Variants in TMCO4 observed in about 807,000 individuals in gnomAD.
The protein encoded by TMCO4 is transmembrane and coiled-coil domain-containing protein 4.
In TMCO4, 58 loss-of-function variants were observed where a neutral mutation model predicts 64.7. The observed-to-expected ratio is 0.90, with a 90% CI of 0.73 to 1.12. TMCO4 has a LOEUF of 1.12. TMCO4 is among the 50% of genes most tolerant of loss of function. The pLI is 0.00. For synonymous variants in TMCO4, 325 were observed against 346.1 expected, an observed-to-expected ratio of 0.94 and a Z score of 0.68; for missense variants, 780 against 825.9, an observed-to-expected ratio of 0.94 and a Z score of 0.68.
intron 14 of TMCO4, among the ~76,000 whole-genome samples, chr1:19,700,333 G>A (rs1277901613): frequency 2.0e-5 from 3 of 152,038 alleles, no homozygotes; most frequent in African/African-American, 4.8e-5. Flanking sequence ...CACTCAGAAA[G>A]CTCAGCCTAG....
At chr1:19,725,124 A>G (rs939727664) in intron 13 of TMCO4, among the ~76,000 whole-genome samples, 4 of 152,198 alleles carry the variant, frequency 2.6e-5, no homozygotes, top group African/African-American at 9.7e-5. Flanking sequence ...GATCAAATTG[A>G]GCCCGCTTAC....
At chr1:19,700,939 G>A in intron 13 of TMCO4, 54 bp from the exon 14 acceptor site, 1 of 1,442,596 alleles carries the variant, frequency 6.9e-7, no homozygotes, top group Non-Finnish European at 9.7e-7. Context: ...ATTGGGTGCT[G>A]GGAGGGACTC....
intron 10 of TMCO4, 89 bp from the exon 11 acceptor site, chr1:19,741,030 C>T: frequency 7.2e-7 from 1 of 1,383,498 alleles, no homozygotes; most frequent in Non-Finnish European, 9.6e-7. Flanking sequence ...ACCAGGACCA[C>T]TCACCCTTGT....
At position 19,734,222 on chromosome 1, in the gene TMCO4, C is replaced by T. The variant is rs542133418; in HGVS notation, c.1264+3150G>A. ...GCCCGGCATGTGAGGTGGAGAGAGGCGGGGGAAGGTGCTGAAGGCAGATCA... is the reference window on the plus strand; with the variant it reads ...GCCCGGCATGTGAGGTGGAGAGAGGTGGGGGAAGGTGCTGAAGGCAGATCA... On this transcript the variant is annotated intron_variant, in intron 13 of 15. Coordinates refer to ENST00000294543, the MANE Select transcript of TMCO4 (RefSeq NM_181719.7). The surrounding 1 kb of genome is among the most constrained non-coding windows in gnomAD (Gnocchi z 4.4). 4.1e-4 allele frequency among the ~76,000 whole-genome samples: 62 copies of T among 152,084 alleles called. No individual in the cohort carries two copies. The highest frequency in any genetic ancestry group is 8.9e-4 in the African/African-American group (37 of 41,478).
At chr1:19,739,635 T>C (rs568685712) in intron 12 of TMCO4, among the ~76,000 whole-genome samples, 189 bp downstream of exon 12, 32 of 152,324 alleles carry the variant, frequency 2.1e-4, no homozygotes, top group African/African-American at 7.0e-4. Context: ...GCAGAGTCTA[T>C]AATTTTTACT....
chr1:19,745,687 ACTGGGG>A, intron 9 of TMCO4, 36 bp from the exon 10 acceptor site: 2 of 1,575,392 alleles, frequency 1.3e-6, no homozygotes, highest in South Asian at 2.3e-5. Context: ...AATGGAGGTG[ACTGGGG>A]CCCCGGGGAA....
chr1:19,796,287 C>G (rs2044302805), intron 2 of TMCO4, among the ~76,000 whole-genome samples: 2 of 152,132 alleles, frequency 1.3e-5, no homozygotes, highest in African/African-American at 4.8e-5. Flanking sequence ...CTCCACTTTA[C>G]TAAGGTGGGG....
At chr1:19,728,159 A>T (rs1040436984) in intron 13 of TMCO4, among the ~76,000 whole-genome samples, 4 of 152,190 alleles carry the variant, frequency 2.6e-5, no homozygotes, top group African/African-American at 9.7e-5. Context: ...CAGTAACATG[A>T]GTTTACCTAC....
At chr1:19,795,112 C>T (rs150600330) in intron 2 of TMCO4, among the ~76,000 whole-genome samples, 45 of 152,074 alleles carry the variant, frequency 3.0e-4, no homozygotes, top group African/African-American at 1.1e-3. Context: ...CTGAACTACA[C>T]ACTTAAAATG....
At chr1:19,790,466 A>C (rs941292093) in intron 2 of TMCO4, among the ~76,000 whole-genome samples, 2 of 152,198 alleles carry the variant, frequency 1.3e-5, no homozygotes, top group African/African-American at 4.8e-5. Flanking sequence ...TTACAAGAAA[A>C]AAACAAACAA....
intron 6 of TMCO4, among the ~76,000 whole-genome samples, chr1:19,758,831 A>G (rs2042376576): frequency 6.6e-6 from 1 of 152,116 alleles, no homozygotes; most frequent in Non-Finnish European, 1.5e-5. Context: ...GTGGTGGCTC[A>G]TGCCTGTGCC....
Position 19,694,415 on chromosome 1 carries a change from G to A in TMCO4, c.1500+19C>T, listed in dbSNP as rs1458574395. ...ACTAAGCAAACGCAAAGCCCCAGGA[G>A]GAACAGGCCGACACTCACCACAGAG... On this transcript the variant is annotated intron_variant, in intron 15 of 15. Coordinates refer to ENST00000294543, the MANE Select transcript of TMCO4 (RefSeq NM_181719.7). 1.0e-5 allele frequency: 16 copies of A among 1,607,110 alleles called. No homozygotes were observed. Among genetic ancestry groups the A allele is most frequent in the Non-Finnish European group, 1.4e-5 (16 of 1,174,520 alleles).
intron 2 of TMCO4, 171 bp downstream of exon 2, chr1:19,797,958 GAAAAGAAA>G (rs2044408138): frequency 1.7e-4 from 2 of 11,634 alleles, no homozygotes; most frequent in Non-Finnish European, 5.2e-4. Flanking sequence ...GAAAGAGAGA[GAAAAGAAA>G]AGAAAAGAAA....
chr1:19,686,201 G>A (rs1418215365), intron 15 of TMCO4, among the ~76,000 whole-genome samples: 1 of 152,206 alleles, frequency 6.6e-6, no homozygotes, highest in Non-Finnish European at 1.5e-5. Context: ...AGCCTGAGAT[G>A]CTGCCTGCAG....
At chr1:19,699,098 A>C (rs974760483) in intron 14 of TMCO4, among the ~76,000 whole-genome samples, 1 of 151,954 alleles carries the variant, frequency 6.6e-6, no homozygotes. Flanking sequence ...CGGGAGGCTG[A>C]GGCAGGAGAA....
intron 15 of TMCO4, among the ~76,000 whole-genome samples, chr1:19,691,212 A>T (rs2095192257): frequency 6.6e-6 from 1 of 152,136 alleles, no homozygotes; most frequent in Admixed American, 6.5e-5. Context: ...TCATAAATGG[A>T]TGAGCCTAGA....
At chr1:19,776,620 C>T (rs570778476) in intron 4 of TMCO4, among the ~76,000 whole-genome samples, 33 of 152,320 alleles carry the variant, frequency 2.2e-4, no homozygotes, top group African/African-American at 7.9e-4. Flanking sequence ...TCAACACATA[C>T]CCTCCTTACA....
At chr1:19,740,666 T>G in intron 11 of TMCO4, 111 bp downstream of exon 11, 1 of 1,260,192 alleles carries the variant, frequency 7.9e-7, no homozygotes, top group Non-Finnish European at 1.1e-6. Flanking sequence ...GTTCCTAGGG[T>G]CCAGCACGGT....
chr1:19,766,273 C>T (rs1166968275), intron 6 of TMCO4, among the ~76,000 whole-genome samples: 1 of 152,222 alleles, frequency 6.6e-6, no homozygotes, highest in Non-Finnish European at 1.5e-5. Context: ...CCTCATGGAG[C>T]TCACGAGGAA....
Sources: allele counts gnomAD v4.1 joint callset (sites outside exome capture counted in the v4.1 genomes callset), GRCh38; gene constraint gnomAD v4.1.1; non-coding constraint Gnocchi (gnomAD v3.1); transcripts MANE v1.5; gene names NCBI Gene and HGNC (gene_info 2026-07-23, HGNC 2026-07-21).